Variants in GFRA2 observed in about 807,000 individuals in gnomAD.
The protein encoded by GFRA2 is GDNF family receptor alpha-2.
GFRA2 carries 17 observed loss-of-function variants against 48.3 expected under a neutral mutation model. The observed-to-expected ratio is 0.35, with a 90% CI of 0.24 to 0.53. The LOEUF (loss-of-function observed/expected upper bound fraction) is 0.53. Ranked by LOEUF, GFRA2 falls within the 20% of genes least tolerant of loss-of-function variation. The pLI, the probability that GFRA2 is intolerant of heterozygous loss-of-function variation, is 0.93. For missense variants in GFRA2, 660 were observed against 637.3 expected (o/e 1.04, Z -0.38); for synonymous variants, 305 against 257.2 (o/e 1.19, Z -1.78).
intron 6 of GFRA2, among the ~76,000 whole-genome samples, 187 bp from the exon 7 acceptor site, chr8:21,703,164 G>A (rs114684275): frequency 0.011 from 1,622 of 152,288 alleles, 27 homozygotes; most frequent in African/African-American, 0.036. Flanking sequence ...AGGTCTCACA[G>A]CTACAGAATA....
intron 4 of GFRA2, among the ~76,000 whole-genome samples, chr8:21,744,381 T>C (rs2117563262): frequency 6.6e-6 from 1 of 152,188 alleles, no homozygotes; most frequent in African/African-American, 2.4e-5. Flanking sequence ...CACCCAGAGG[T>C]TAAATTACAG....
At chr8:21,759,877 A>C (rs184972245) in intron 3 of GFRA2, among the ~76,000 whole-genome samples, 190 of 141,588 alleles carry the variant, frequency 1.3e-3, no homozygotes, top group African/African-American at 5.0e-3. Flanking sequence ...CAACAGAGCA[A>C]GATTGCGTCT....
At chr8:21,807,061 G>A (rs759269662) in intron 1 of GFRA2, among the ~76,000 whole-genome samples, 6 of 152,110 alleles carry the variant, frequency 3.9e-5, no homozygotes, top group Non-Finnish European at 8.8e-5. Flanking sequence ...TTTATTAAAG[G>A]AGCAAATTAC....
chr8:21,782,004 G>A (rs939861268), intron 2 of GFRA2, among the ~76,000 whole-genome samples: 42 of 152,164 alleles, frequency 2.8e-4, no homozygotes, highest in Non-Finnish European at 5.3e-4. Context: ...CACATGAAGG[G>A]CTGGTGTCCT....
intron 1 of GFRA2, among the ~76,000 whole-genome samples, chr8:21,784,480 C>G (rs879226172): frequency 7.2e-5 from 11 of 152,320 alleles, no homozygotes; most frequent in South Asian, 6.2e-4. Flanking sequence ...GGCCATCCCC[C>G]GGGAGGCCCT....
intron 3 of GFRA2, among the ~76,000 whole-genome samples, chr8:21,753,640 G>A (rs576413519): frequency 6.6e-6 from 1 of 151,872 alleles, no homozygotes; most frequent in African/African-American, 2.4e-5. Context: ...AAAAAAGAAA[G>A]AAAAGAAAAA....
intron 4 of GFRA2, among the ~76,000 whole-genome samples, chr8:21,721,082 C>A (rs945988620): frequency 2.0e-4 from 31 of 151,968 alleles, no homozygotes; most frequent in Admixed American, 1.4e-3. Context: ...TGTCTGGAGG[C>A]ATGGAGGACT....
intron 1 of GFRA2, among the ~76,000 whole-genome samples, chr8:21,811,833 T>C (rs563219557): frequency 1.3e-5 from 2 of 151,946 alleles, no homozygotes; most frequent in East Asian, 3.9e-4. Context: ...CAGGAAGTTG[T>C]AAAAATAGTA....
chr8:21,799,360 G>A (rs1807731682), intron 2 of GFRA2, among the ~76,000 whole-genome samples: 1 of 152,090 alleles, frequency 6.6e-6, no homozygotes, highest in African/African-American at 2.4e-5. Flanking sequence ...TGGGACTACA[G>A]GTGCCCGCCA....
chr8:21,770,897 C>T (rs1222016252), intron 3 of GFRA2, among the ~76,000 whole-genome samples: 2 of 152,216 alleles, frequency 1.3e-5, no homozygotes, highest in African/African-American at 4.8e-5. Flanking sequence ...ACCTTGGTTC[C>T]ACCCTCTCCT....
At chr8:21,721,285 T>C (rs1439895968) in intron 4 of GFRA2, among the ~76,000 whole-genome samples, 1 of 152,172 alleles carries the variant, frequency 6.6e-6, no homozygotes, top group Non-Finnish European at 1.5e-5. Context: ...TCCTGCCCAC[T>C]GGTGGTTAGA....
chr8:21,693,452 A>C (rs1801972024), intron 8 of GFRA2, 52 bp from the exon 9 acceptor site: 1 of 1,541,540 alleles, frequency 6.5e-7, no homozygotes, highest in Non-Finnish European at 8.8e-7. Flanking sequence ...AAAACAAAGA[A>C]AACAGTCAGG....
intron 4 of GFRA2, among the ~76,000 whole-genome samples, chr8:21,710,938 G>T (rs995335116): frequency 2.0e-5 from 3 of 152,198 alleles, no homozygotes; most frequent in Non-Finnish European, 4.4e-5. Context: ...GATTGCTAAA[G>T]TTTCTCTCTG....
chr8:21,783,824 T>TA (rs1318613234), intron 1 of GFRA2, among the ~76,000 whole-genome samples: 1 of 151,976 alleles, frequency 6.6e-6, no homozygotes, highest in Non-Finnish European at 1.5e-5. Flanking sequence ...GGCTATATCT[T>TA]ACGCTTCTCT....
At chr8:21,792,883 GGTGAAACCCC>G (rs1370448690), upstream of GFRA2, among the ~76,000 whole-genome samples, 2 of 152,088 alleles carry the variant, frequency 1.3e-5, no homozygotes, top group Admixed American at 1.3e-4. Context: ...TGACCAACAT[GGTGAAACCCC>G]GTTTCTGCAA....
chr8:21,811,511 G>C (rs1807979942), intron 1 of GFRA2, among the ~76,000 whole-genome samples: 1 of 152,164 alleles, frequency 6.6e-6, no homozygotes, highest in Non-Finnish European at 1.5e-5. Flanking sequence ...AGGAACCCAA[G>C]GGTCTGGTGC....
intron 4 of GFRA2, among the ~76,000 whole-genome samples, chr8:21,716,132 G>A (rs886169632): frequency 1.3e-5 from 2 of 152,032 alleles, no homozygotes; most frequent in African/African-American, 4.8e-5. Flanking sequence ...AGACCAGCCT[G>A]GCCAACATGG....
At chr8:21,701,339 A>T (rs1177651726) in intron 7 of GFRA2, among the ~76,000 whole-genome samples, 1 of 152,212 alleles carries the variant, frequency 6.6e-6, no homozygotes, top group Non-Finnish European at 1.5e-5. Context: ...GCTTGCAGTG[A>T]GCCGAGATCG....
chr8:21,786,083 G>A (rs1004508408), intron 1 of GFRA2, among the ~76,000 whole-genome samples: 20 of 152,200 alleles, frequency 1.3e-4, no homozygotes, highest in African/African-American at 4.6e-4. Flanking sequence ...GAAACTGAAG[G>A]GCTGTGGAGC....
Sources: gnomAD v4.1 joint callset for allele counts (sites outside exome capture counted in the v4.1 genomes callset) on GRCh38, gnomAD v4.1.1 for gene constraint, MANE v1.5 for transcripts, NCBI Gene and HGNC (gene_info 2026-07-23, HGNC 2026-07-21) for gene names.